PBX4: variants seen among roughly 807,000 people sequenced by gnomAD.
The protein encoded by PBX4 is pre-B-cell leukemia transcription factor 4.
Under a neutral mutation model 35.1 loss-of-function variants are expected in PBX4, and 26 were observed. The observed-to-expected ratio is 0.74, with a 90% confidence interval of 0.54 to 1.03. The LOEUF is 1.03. PBX4 is among the 50% of genes least tolerant of loss of function. The pLI is 0.00. For synonymous variants in PBX4, 199 were observed against 204.2 expected (o/e 0.97, Z 0.22); for missense variants, 448 against 504.3 (o/e 0.89, Z 1.07).
Position 19,599,278 on chromosome 19 carries a change from TCTAAACAGC to T in PBX4, c.193+5_193+13del. Reference sequence around the variant, plus strand: ...CACCACGCTCGGCCAGAAAGTGTCTTCTAAACAGCCTACCTGTCTTTTCCTTGATCTCAC... The same window carrying T: ...CACCACGCTCGGCCAGAAAGTGTCTTCTACCTGTCTTTTCCTTGATCTCAC... On this transcript the variant is annotated splice_donor_5th_base_variant and intron_variant, in intron 2 of 7. Coordinates refer to ENST00000251203, the MANE Select transcript of PBX4 (RefSeq NM_025245.3). 1 of 1,608,220 alleles carries T rather than the reference TCTAAACAGC, an allele frequency of 6.2e-7. No homozygotes were observed. Among genetic ancestry groups the T allele is most frequent in the Non-Finnish European group, 8.5e-7 (1 of 1,175,626 alleles).
intron 1 of PBX4, among the ~76,000 whole-genome samples, chr19:19,617,272 C>A (rs1224049071): frequency 6.6e-6 from 1 of 152,082 alleles, no homozygotes; most frequent in Non-Finnish European, 1.5e-5. Flanking sequence ...CACTGGGAGG[C>A]AGCTGGGATT....
At chr19:19,609,904 A>G (rs1477375554) in intron 1 of PBX4, among the ~76,000 whole-genome samples, 4 of 152,098 alleles carry the variant, frequency 2.6e-5, no homozygotes, top group Non-Finnish European at 5.9e-5. Context: ...CCCACTTCCT[A>G]GGGTTCTGGG....
chr19:19,599,542 A>G (rs2061583596), intron 1 of PBX4, among the ~76,000 whole-genome samples, 177 bp from the exon 2 acceptor site: 1 of 152,238 alleles, frequency 6.6e-6, no homozygotes, highest in Admixed American at 6.5e-5. Context: ...TGATTTGCAC[A>G]AAATCAATAT....
chr19:19,580,683 T>C (rs2061448560), intron 2 of PBX4, among the ~76,000 whole-genome samples: 1 of 152,218 alleles, frequency 6.6e-6, no homozygotes. Context: ...ACAAGGCCTC[T>C]GATATTGGAG....
chr19:19,608,360 A>AG (rs1181854261), intron 1 of PBX4: 1 of 152,410 alleles, frequency 6.6e-6, no homozygotes, highest in African/African-American at 2.4e-5. Flanking sequence ...AAAAAAAAAA[A>AG]AAAGGAAAGA....
In PBX4 at chr19:19,569,575, C is replaced by T; in HGVS notation, c.642G>A (p.Arg214=). The change falls in exon 5 of 8, where the codon CGG becomes CGA. Residue 214 remains arginine, a synonymous_variant. Transcript: ENST00000251203. ...CCGTCGCCTGCTTGCTGAAATTCCG[C>T]CGCTTGCGCCTGCAAAAACAGCCGC... ...RSRLLDARRK[R]RNFSKQATEV... The T allele has an allele frequency of 6.2e-7, 1 of 1,613,266 alleles. No homozygotes were observed. Among genetic ancestry groups the T allele is most frequent in the Non-Finnish European group, 8.5e-7 (1 of 1,179,646 alleles).
At chr19:19,570,320 C>T (rs371878481) in intron 3 of PBX4, 21 bp from the exon 4 acceptor site, 28 of 1,577,810 alleles carry the variant, frequency 1.8e-5, no homozygotes, top group East Asian at 2.3e-5. Context: ...AGCACAGACA[C>T]GCCGGCCTGT....
At chr19:19,578,336 G>C (rs1225410701) in intron 2 of PBX4, among the ~76,000 whole-genome samples, 1 of 152,160 alleles carries the variant, frequency 6.6e-6, no homozygotes, top group Non-Finnish European at 1.5e-5. Flanking sequence ...CTGCCTCTTG[G>C]GTGGTGCCTA....
chr19:19,563,112 C>A lies in PBX4; in HGVS notation c.1032+397G>T, dbSNP rs543170572. On this transcript the variant is annotated intron_variant, in intron 7 of 7. Coordinates refer to ENST00000251203, the MANE Select transcript of PBX4 (RefSeq NM_025245.3). This position sits in a 1 kb window ranked among gnomAD's most constrained non-coding sequence, Gnocchi z 5.1. Reference sequence around the variant, plus strand: ...ACTCGCTGCCTTCCCAGCCAAGCTGCGGCACTGAGGTCTGAGCCCGAGGGA... The same window carrying A: ...ACTCGCTGCCTTCCCAGCCAAGCTGAGGCACTGAGGTCTGAGCCCGAGGGA... 3.3e-5 allele frequency among the ~76,000 whole-genome samples: 5 copies of A among 152,280 alleles called. No homozygotes were observed. Among genetic ancestry groups the A allele is most frequent in the African/African-American group, 9.6e-5 (4 of 41,564 alleles).
chr19:19,564,824 G>A, intron 6 of PBX4, 109 bp downstream of exon 6: 2 of 1,363,072 alleles, frequency 1.5e-6, no homozygotes, highest in Non-Finnish European at 2.1e-6. Flanking sequence ...GTTACACAGA[G>A]TTGACCACTG....
intron 2 of PBX4, among the ~76,000 whole-genome samples, chr19:19,578,127 T>C (rs2061431896): frequency 6.7e-6 from 1 of 149,568 alleles, no homozygotes; most frequent in Non-Finnish European, 1.5e-5. Context: ...GAGGTAGAGG[T>C]TGCAGTGAGC....
chr19:19,603,838 T>G (rs2061612499), intron 1 of PBX4, among the ~76,000 whole-genome samples: 1 of 150,796 alleles, frequency 6.6e-6, no homozygotes, highest in Non-Finnish European at 1.5e-5. Flanking sequence ...GTGCCTGTAA[T>G]CCCAGCTACT....
intron 5 of PBX4, among the ~76,000 whole-genome samples, chr19:19,568,091 A>T (rs1178211830): frequency 2.8e-3 from 198 of 71,476 alleles, no homozygotes; most frequent in African/African-American, 3.8e-3. Flanking sequence ...TCTATCTGTA[A>T]CCCTCAGGGA....
At chr19:19,601,676 G>A (rs1480336336) in intron 1 of PBX4, among the ~76,000 whole-genome samples, 1 of 152,152 alleles carries the variant, frequency 6.6e-6, no homozygotes, top group Non-Finnish European at 1.5e-5. Context: ...AGAAAGTCAT[G>A]ATGATGTAAG....
At chr19:19,598,297 C>CCT (rs1555739218) in intron 2 of PBX4, among the ~76,000 whole-genome samples, 2 of 129,248 alleles carry the variant, frequency 1.5e-5, no homozygotes, top group Non-Finnish European at 1.6e-5. Flanking sequence ...CTTTTCTTTC[C>CCT]TTTTTTTTTT....
At chr19:19,590,346 C>T (rs981204808) in intron 2 of PBX4, among the ~76,000 whole-genome samples, 1 of 151,874 alleles carries the variant, frequency 6.6e-6, no homozygotes, top group African/African-American at 2.4e-5. Flanking sequence ...CATCTGGCTT[C>T]TCCTACCCAG....
intron 6 of PBX4, chr19:19,564,690 C>T (rs905210267): frequency 2.2e-5 from 11 of 510,380 alleles, no homozygotes; most frequent in East Asian, 3.4e-5. Context: ...TGTGAGCCAC[C>T]GCACCCAGAC....
At chr19:19,564,808 G>T in intron 6 of PBX4, 125 bp downstream of exon 6, 2 of 1,206,604 alleles carry the variant, frequency 1.7e-6, no homozygotes, top group Non-Finnish European at 1.2e-6. Context: ...TGAAACAGAA[G>T]AAAGAGTTAC....
chr19:19,570,594 A>G lies in PBX4; in HGVS notation c.433T>C (p.Tyr145His). The change falls in exon 3 of 8, where the codon TAT becomes CAT. Residue 145 changes from tyrosine (Y) to histidine (H), a missense_variant. Coordinates refer to ENST00000251203, the MANE Select transcript of PBX4 (RefSeq NM_025245.3). ...CCATGCAGAAAGATCACCTGTTCAT[A>G]TTTCTCTAGCTCAGAGTGGTAAATC... is the stretch of plus-strand genomic sequence containing the variant. The part of the protein sequence containing the change: ...RQIYHSELEK[Y>H]EQACREFTTH... 1 of 1,613,684 alleles carries G rather than the reference A, an allele frequency of 6.2e-7. No individual in the cohort carries two copies. Among genetic ancestry groups the G allele is most frequent in the Non-Finnish European group, 8.5e-7 (1 of 1,179,632 alleles).
Sources: allele counts gnomAD v4.1 joint callset (sites outside exome capture counted in the v4.1 genomes callset), GRCh38; gene constraint gnomAD v4.1.1; non-coding constraint Gnocchi (gnomAD v3.1); transcripts MANE v1.5; gene names NCBI Gene and HGNC (gene_info 2026-07-23, HGNC 2026-07-21).